The following FGF14 variants were observed in gnomAD, a reference collection of about 807,000 sequenced individuals.
The protein encoded by FGF14 is fibroblast growth factor homologous factor 4.
FGF14 carries 5 observed loss-of-function variants against 25.5 expected under a neutral mutation model. The ratio of observed to expected loss-of-function variants is 0.20; its 90% confidence interval spans 0.10 to 0.41. The LOEUF (loss-of-function observed/expected upper bound fraction) is 0.41. Ranked by LOEUF, FGF14 falls within the 10% of genes least tolerant of loss-of-function variation. The pLI, the probability that FGF14 is intolerant of heterozygous loss-of-function variation, is 1.00. For synonymous variants in FGF14, 138 were observed against 118.3 expected, an observed-to-expected ratio of 1.17 and a Z score of -1.08; for missense variants, 222 against 320.1, an observed-to-expected ratio of 0.69 and a Z score of 2.34.
chr13:102,322,949 C>A (rs888348659), intron 1 of FGF14, among the ~76,000 whole-genome samples: 1 of 152,014 alleles, frequency 6.6e-6, no homozygotes, highest in Non-Finnish European at 1.5e-5. Flanking sequence ...AAATATCCTA[C>A]TTTAACCTCT....
At chr13:102,283,448 T>C (rs750926671) in intron 1 of FGF14, among the ~76,000 whole-genome samples, 1 of 152,166 alleles carries the variant, frequency 6.6e-6, no homozygotes, top group Non-Finnish European at 1.5e-5. Context: ...TGAATGAGAA[T>C]AAGATTATGG....
Position 102,031,827 on chromosome 13 carries a change from T to C in FGF14, c.209-156531A>G, listed in dbSNP as rs114906817. 1.8e-3 allele frequency among the ~76,000 whole-genome samples: 276 copies of C among 152,194 alleles called. 1 individual carries two copies. The highest frequency in any genetic ancestry group is 6.4e-3 in the African/African-American group (267 of 41,522). On this transcript the variant is annotated intron_variant, in intron 1 of 4. Transcript: ENST00000376131. ...AGGAATCTATAGTCAAACCTTTTCA[T>C]ATGAATTCTTAATCAAACAATTTAT...
intron 3 of FGF14, among the ~76,000 whole-genome samples, chr13:101,836,637 T>C (rs1443615117): frequency 6.6e-6 from 1 of 152,110 alleles, no homozygotes; most frequent in Non-Finnish European, 1.5e-5. Flanking sequence ...GTATTTATCT[T>C]GTATTCATAT....
chr13:101,897,385 T>G (rs1214643323), intron 1 of FGF14, among the ~76,000 whole-genome samples: 2 of 152,184 alleles, frequency 1.3e-5, no homozygotes, highest in African/African-American at 4.8e-5. Context: ...GAGGTCTATT[T>G]GGGGTGTGGC....
intron 1 of FGF14, among the ~76,000 whole-genome samples, chr13:102,044,606 A>G (rs906389743): frequency 2.0e-5 from 3 of 152,268 alleles, no homozygotes; most frequent in African/African-American, 7.2e-5. Flanking sequence ...CATTAAGTTA[A>G]ACACAGTTTA....
intron 3 of FGF14, among the ~76,000 whole-genome samples, chr13:101,816,902 T>G (rs897256490): frequency 6.6e-6 from 1 of 152,360 alleles, no homozygotes; most frequent in African/African-American, 2.4e-5. Context: ...ATGTTAAGCA[T>G]ACTTGTTACT....
At chr13:101,988,007 A>T (rs2038686367) in intron 1 of FGF14, among the ~76,000 whole-genome samples, 1 of 152,098 alleles carries the variant, frequency 6.6e-6, no homozygotes, top group African/African-American at 2.4e-5. Flanking sequence ...AATACATAGA[A>T]AAATAATATT....
At chr13:101,873,883 A>G (rs982860169) in intron 2 of FGF14, among the ~76,000 whole-genome samples, 4 of 152,130 alleles carry the variant, frequency 2.6e-5, no homozygotes, top group African/African-American at 9.6e-5. Flanking sequence ...ATAAACCAAT[A>G]AACAAACATA....
intron 1 of FGF14, among the ~76,000 whole-genome samples, chr13:102,077,219 C>G (rs575355635): frequency 1.3e-5 from 2 of 152,170 alleles, no homozygotes; most frequent in African/African-American, 4.8e-5. Flanking sequence ...AAAAAAAGCT[C>G]TGTGACATTG....
chr13:102,252,015 C>T (rs777805120), intron 1 of FGF14, among the ~76,000 whole-genome samples: 7 of 152,174 alleles, frequency 4.6e-5, no homozygotes, highest in Non-Finnish European at 7.3e-5. Context: ...CTGTACCAGT[C>T]CAGTCACAAT....
chr13:101,829,488 A>G (rs1010357798), intron 3 of FGF14, among the ~76,000 whole-genome samples: 9 of 152,192 alleles, frequency 5.9e-5, no homozygotes, highest in African/African-American at 1.4e-4. Context: ...CCACCTAAGA[A>G]TACACTAGCC....
At position 102,271,138 on chromosome 13, in the gene FGF14, T is replaced by C. The variant is rs553846102; in HGVS notation, c.208+130333A>G. Among the ~76,000 whole-genome samples, 3 of 152,336 alleles carry C rather than the reference T, an allele frequency of 2.0e-5. No homozygotes were observed. The South Asian group carries it at 6.2e-4, about 32-fold the overall frequency. ...GTGATTTAGTCAATTACCCTTGGTT[T>C]TGTGGTAAATACTTATCAGAATTAA... On this transcript the variant is annotated intron_variant, in intron 1 of 4. Transcript: ENST00000376131.
chr13:102,316,904 G>A (rs961069068), intron 1 of FGF14, among the ~76,000 whole-genome samples: 3 of 152,088 alleles, frequency 2.0e-5, no homozygotes, highest in African/African-American at 7.2e-5. Context: ...CATCTTTCAG[G>A]ATGATTGAGA....
At chr13:102,115,723 G>A (rs189632063) in intron 1 of FGF14, among the ~76,000 whole-genome samples, 111 of 152,198 alleles carry the variant, frequency 7.3e-4, no homozygotes, top group African/African-American at 2.5e-3. Context: ...GCTACCTATC[G>A]AGTATTTTGC....
At chr13:102,316,607 A>C (rs1035448156) in intron 1 of FGF14, among the ~76,000 whole-genome samples, 1 of 152,168 alleles carries the variant, frequency 6.6e-6, no homozygotes, top group African/African-American at 2.4e-5. Context: ...AATTGCCTTG[A>C]ATCACTCTCT....
At chr13:102,307,641 T>A (rs1300186234) in intron 1 of FGF14, among the ~76,000 whole-genome samples, 2 of 152,150 alleles carry the variant, frequency 1.3e-5, no homozygotes, top group Non-Finnish European at 2.9e-5. Flanking sequence ...TCACTAATAT[T>A]TTTAGTATAT....
rs1482107179 is a variant in FGF14 at position 101,719,972 on chromosome 13, A to G, written c.*2859T>C. 4 of 152,144 alleles carry G rather than the reference A, an allele frequency of 2.6e-5. No homozygotes were observed. Among genetic ancestry groups the G allele is most frequent in the Admixed American group, 6.6e-5 (1 of 15,260 alleles). 9.4% of individuals were successfully genotyped at this position (152,144 alleles called of 1,614,324 possible). A position where few individuals can be genotyped will look rare whatever the true frequency, so the allele number is the denominator to read the frequency against. On this transcript the variant is annotated 3_prime_UTR_variant, in exon 5 of 5. Coordinates refer to ENST00000376143, the MANE Select transcript of FGF14 (RefSeq NM_004115.4). ...GTAAAGGGGGAAATTGAGTTTACCA[A>G]CTTATTTACATGACATTTCTCTATA...
At chr13:102,307,415 A>G (rs1056526834) in intron 1 of FGF14, among the ~76,000 whole-genome samples, 11 of 152,204 alleles carry the variant, frequency 7.2e-5, no homozygotes, top group Non-Finnish European at 1.0e-4. Flanking sequence ...GCAGCATTAA[A>G]AAAACTAATA....
At chr13:102,039,073 A>C (rs1358862112) in intron 1 of FGF14, among the ~76,000 whole-genome samples, 5 of 152,176 alleles carry the variant, frequency 3.3e-5, no homozygotes, top group Non-Finnish European at 7.4e-5. Context: ...ACTCAGGTAA[A>C]TGACACAGCC....
Sources: gnomAD v4.1 joint callset for allele counts (sites outside exome capture counted in the v4.1 genomes callset) on GRCh38, gnomAD v4.1.1 for gene constraint, MANE v1.5 for transcripts, NCBI Gene and HGNC (gene_info 2026-07-23, HGNC 2026-07-21) for gene names.